The following COL4A2 variants were observed in gnomAD, a reference collection of about 807,000 sequenced individuals.
The protein encoded by COL4A2 is collagen alpha-2(IV) chain.
COL4A2 carries 99 observed loss-of-function variants against 200.2 expected under a neutral mutation model. That is an observed-to-expected ratio of 0.49 (90% CI 0.42 to 0.58). The LOEUF is 0.58. Among genes scored for constraint, COL4A2 ranks in the 20% least tolerant of loss-of-function variants. The pLI, the probability that COL4A2 is intolerant of heterozygous loss-of-function variation, is 0.00. For synonymous variants in COL4A2, 897 were observed against 900.6 expected (o/e 1.00, Z 0.07); for missense variants, 1,950 against 2,314.1 (o/e 0.84, Z 3.23).
chr13:110,447,836 G>A (rs1382120156), intron 18 of COL4A2, among the ~76,000 whole-genome samples: 1 of 152,180 alleles, frequency 6.6e-6, no homozygotes, highest in African/African-American at 2.4e-5. Context: ...CTTGAACTCA[G>A]CAGGTCACCT....
In COL4A2 at chr13:110,505,169, T is replaced by C. The variant is rs578183744; in HGVS notation, c.4402+905T>C. On this transcript the variant is annotated intron_variant, in intron 45 of 47. Coordinates refer to ENST00000360467, the MANE Select transcript of COL4A2 (RefSeq NM_001846.4). ...ATCGAGACCATCCTGGCTAACACGG[T>C]GAAACCCCGTCTCTACTAAAAATAC... Among the ~76,000 whole-genome samples, 10 of 151,098 alleles carry C rather than the reference T, an allele frequency of 6.6e-5. No individual in the cohort carries two copies. In the South Asian group the frequency reaches 1.0e-3, roughly 16 times the overall value.
chr13:110,458,677 G>A (rs1364861650), intron 21 of COL4A2, 94 bp from the exon 22 acceptor site: 12 of 1,500,818 alleles, frequency 8.0e-6, no homozygotes, highest in Non-Finnish European at 4.6e-6. Flanking sequence ...AGCACCAAGT[G>A]TGCCACCCAG....
At position 110,473,514 on chromosome 13, in the gene COL4A2, G is replaced by A. The variant is rs547780261; in HGVS notation, c.2425+364G>A. On this transcript the variant is annotated intron_variant, in intron 29 of 47. Transcript: ENST00000360467. ...AAAAGATGGGCCCTGGCCATGCTTA[G>A]TCAGAGGTGAAGAAGGAAAATAGAA... 3.0e-5 allele frequency: 7 copies of A among 236,476 alleles called. No individual in the cohort carries two copies. In the East Asian group the frequency reaches 4.3e-4, roughly 15 times the overall value. 14.6% of individuals were successfully genotyped at this position (236,476 alleles called of 1,614,324 possible).
Position 110,449,749 on chromosome 13 carries a change from G to A in COL4A2, c.1149G>A (p.Pro383=), listed in dbSNP as rs1025280055. 1.3e-5 allele frequency: 20 copies of A among 1,548,912 alleles called. No homozygotes were observed. Among genetic ancestry groups the A allele is most frequent in the Admixed American group, 9.8e-5 (5 of 50,798 alleles). Residue 383 remains proline (P), a synonymous_variant, in exon 19 of 48, where the codon CCG becomes CCA. Transcript: ENST00000360467. ...EPGSQGEPGD[P]GLPGPPGLSI... is the part of the protein sequence containing the mutation. ...GAAGCCAGGGTGAGCCAGGAGACCC[G>A]GGCCTCCCAGGTCCCCCTGGCCTCT...
At chr13:110,501,592 G>T in intron 40 of COL4A2, 76 bp from the exon 41 acceptor site, 1 of 1,241,042 alleles carries the variant, frequency 8.1e-7, no homozygotes. Flanking sequence ...CACAGGTGAT[G>T]GTGTGGAGGG....
chr13:110,371,850 C>T (rs1456914799), intron 4 of COL4A2, among the ~76,000 whole-genome samples: 3 of 152,126 alleles, frequency 2.0e-5, no homozygotes, highest in Non-Finnish European at 2.9e-5. Flanking sequence ...ATTGTCTTTC[C>T]GTCTCCCCCA....
intron 3 of COL4A2, among the ~76,000 whole-genome samples, chr13:110,311,914 C>T (rs1031429725): frequency 9.2e-5 from 14 of 152,180 alleles, no homozygotes; most frequent in African/African-American, 3.1e-4. Context: ...CCAGGAAATT[C>T]GCCTGACCTT....
chr13:110,485,883 C>T lies in COL4A2; in HGVS notation c.3207+47C>T, dbSNP rs763838401. On this transcript the variant is annotated intron_variant, in intron 34 of 47. Transcript: ENST00000360467. ...CCCTTGTTCTGTGAGCTCCTCTCCCCTTTGCTTGTGAATGGACATGCTTTG... is the reference window on the plus strand; with the variant it reads ...CCCTTGTTCTGTGAGCTCCTCTCCCTTTTGCTTGTGAATGGACATGCTTTG... 29 of 1,601,780 alleles carry T rather than the reference C, an allele frequency of 1.8e-5. 1 individual carries two copies. The highest frequency in any genetic ancestry group is 2.4e-5 in the Non-Finnish European group (28 of 1,175,942).
intron 4 of COL4A2, among the ~76,000 whole-genome samples, chr13:110,362,038 C>T (rs1877538540): frequency 6.6e-6 from 1 of 152,164 alleles, no homozygotes; most frequent in Non-Finnish European, 1.5e-5. Flanking sequence ...CTTCTGTGTC[C>T]GTACTCCTCT....
At chr13:110,509,409 T>C (rs1266115442) in intron 47 of COL4A2, among the ~76,000 whole-genome samples, 5 of 152,002 alleles carry the variant, frequency 3.3e-5, no homozygotes, top group Non-Finnish European at 7.4e-5. Flanking sequence ...TTTTAATAGG[T>C]ATCGTTGCTA....
intron 29 of COL4A2, chr13:110,473,726 C>T (rs962498730): frequency 6.6e-6 from 1 of 152,180 alleles, no homozygotes; most frequent in East Asian, 1.9e-4. Context: ...GAACCCGAGC[C>T]CCGAGCTTTA....
intron 4 of COL4A2, among the ~76,000 whole-genome samples, chr13:110,363,901 A>G (rs946600827): frequency 6.6e-6 from 1 of 152,164 alleles, no homozygotes; most frequent in Non-Finnish European, 1.5e-5. Flanking sequence ...GGGTTTCACC[A>G]TGTTGGCCAG....
At chr13:110,440,000 A>G (rs1402198648) in intron 16 of COL4A2, among the ~76,000 whole-genome samples, 167 bp downstream of exon 16, 1 of 152,260 alleles carries the variant, frequency 6.6e-6, no homozygotes, top group Non-Finnish European at 1.5e-5. Flanking sequence ...ACAATACTTG[A>G]ACCGGGTCAT....
At chr13:110,478,202 C>T in intron 30 of COL4A2, 38 bp downstream of exon 30, 1 of 1,490,522 alleles carries the variant, frequency 6.7e-7, no homozygotes. Context: ...GTGGGGTCCT[C>T]ACTGGTCCTG....
chr13:110,320,737 T>C (rs1885254135), intron 3 of COL4A2, among the ~76,000 whole-genome samples: 1 of 152,238 alleles, frequency 6.6e-6, no homozygotes, highest in African/African-American at 2.4e-5. Context: ...ATAGAATTCA[T>C]CCGTTTTAAA....
intron 14 of COL4A2, 196 bp from the exon 15 acceptor site, chr13:110,438,422 G>C: frequency 2.7e-6 from 2 of 743,784 alleles, no homozygotes; most frequent in Non-Finnish European, 4.8e-6. Flanking sequence ...AGTCCTGGAT[G>C]GGTGACAGCC....
rs186146925 is a variant in COL4A2 at position 110,385,738 on chromosome 13, T to C, written c.180+28186T>C. Reference sequence around the variant, plus strand: ...GTTACAGTGTGTGGATAGGCCGTGGTTGCAGTGCGTGGATAGGCCGTGGTT... The same window carrying C: ...GTTACAGTGTGTGGATAGGCCGTGGCTGCAGTGCGTGGATAGGCCGTGGTT... On this transcript the variant is annotated intron_variant, in intron 4 of 47. Transcript: ENST00000360467. 2.6e-5 allele frequency among the ~76,000 whole-genome samples: 2 copies of C among 78,422 alleles called. 1 individual carries two copies. The highest frequency in any genetic ancestry group is 9.2e-5 in the African/African-American group (2 of 21,704). 51.4% of individuals were successfully genotyped at this position (78,422 alleles called of 152,430 possible).
chr13:110,393,226 C>T (rs1365585062), intron 4 of COL4A2, among the ~76,000 whole-genome samples: 4 of 152,186 alleles, frequency 2.6e-5, no homozygotes, highest in Non-Finnish European at 5.9e-5. Flanking sequence ...TTTCTTTTCT[C>T]TAACAAGCTC....
rs908986004 is a variant in COL4A2 at position 110,429,848 on chromosome 13, T to C, written c.478-37T>C. On this transcript the variant is annotated intron_variant, in intron 7 of 47. Transcript: ENST00000360467. ...GCACCGAATGTTAATGGACTCTTTT[T>C]GTTGTTTTTTCTTTTTACAATATAT... is the stretch of plus-strand genomic sequence containing the variant. 6 of 1,598,530 alleles carry C rather than the reference T, an allele frequency of 3.8e-6. No individual in the cohort carries two copies. The African/African-American group carries it at 8.0e-5, about 21-fold the overall frequency.
Sources: allele counts gnomAD v4.1 joint callset (sites outside exome capture counted in the v4.1 genomes callset), GRCh38; gene constraint gnomAD v4.1.1; transcripts MANE v1.5; gene names NCBI Gene and HGNC (gene_info 2026-07-23, HGNC 2026-07-21).